GPR132: variants seen among roughly 807,000 people sequenced by gnomAD.
The protein encoded by GPR132 is probable G protein-coupled receptor 132.
A neutral mutation model predicts 1.9 loss-of-function variants in GPR132; 4 were observed. The observed-to-expected ratio is 2.13, with a 90% CI of 1.05 to 4.87. The LOEUF (loss-of-function observed/expected upper bound fraction) is 4.87, where lower values mean the gene tolerates loss of function less well. Among genes scored for constraint, GPR132 ranks in the 30% most tolerant of loss-of-function variants. The pLI is 0.01. For missense variants in GPR132, 404 were observed against 512.5 expected (o/e 0.79, Z 2.04); for synonymous variants, 233 against 234.2 (o/e 0.99, Z 0.05).
At chr14:105,063,377 CTTT>C (rs758639569) in intron 1 of GPR132, among the ~76,000 whole-genome samples, 1 of 143,950 alleles carries the variant, frequency 6.9e-6, no homozygotes. Context: ...TATTTTGTAA[CTTT>C]TTTTTTTTTT....
At chr14:105,061,239 G>A (rs1595141236) in intron 1 of GPR132, among the ~76,000 whole-genome samples, 1 of 152,252 alleles carries the variant, frequency 6.6e-6, no homozygotes, top group Non-Finnish European at 1.5e-5. Context: ...CGCCGGGGGA[G>A]CCCTGCACCA....
At position 105,056,564 on chromosome 14, in the gene GPR132, A is replaced by G. The variant is rs992942910; in HGVS notation, c.-746-398T>C. Among the ~76,000 whole-genome samples, 3 of 151,788 alleles carry G rather than the reference A, an allele frequency of 2.0e-5. No homozygotes were observed. The highest frequency in any genetic ancestry group is 1.3e-4 in the Admixed American group (2 of 15,254). On this transcript the variant is annotated intron_variant, in intron 2 of 3. Coordinates refer to ENST00000329797, the MANE Select transcript of GPR132 (RefSeq NM_013345.4). The surrounding 1 kb of genome is among the most constrained non-coding windows in gnomAD (Gnocchi z 6.0). The stretch of plus-strand genomic sequence containing the variant: ...TGGTCTGTTCCCTCCCCGACTTCCT[A>G]CGGCTCCCCCACCCCACACATCGTC...
chr14:105,053,007 T>C (rs1346476562), intron 3 of GPR132, among the ~76,000 whole-genome samples: 1 of 151,868 alleles, frequency 6.6e-6, no homozygotes, highest in Non-Finnish European at 1.5e-5. Context: ...ATGTTGATCC[T>C]GTAATTGCTG....
At position 105,051,182 on chromosome 14, in the gene GPR132, C is replaced by G; in HGVS notation, c.955G>C (p.Val319Leu). 6.2e-7 allele frequency: 1 copy of G among 1,614,180 alleles called. No individual in the cohort carries two copies. The highest frequency in any genetic ancestry group is 1.1e-5 in the South Asian group (1 of 91,082). ...TTCCACCCCTTATGGATTCTGGACA[C>G]TTCTTGGCGGGAATGGTCCGTGGCC... is the stretch of plus-strand genomic sequence containing the variant. ...VLATDHSRQE[V>L]SRIHKGWKEW... Residue 319 changes from valine to leucine, a missense_variant, in exon 4 of 4, where the codon GTG becomes CTG. Transcript: ENST00000329797. This position sits in a 1 kb window ranked among gnomAD's most constrained non-coding sequence, Gnocchi z 8.0.
chr14:105,050,919 G>A lies in GPR132; in HGVS notation c.*75C>T, dbSNP rs1886616183. 3 of 1,355,852 alleles carry A rather than the reference G, an allele frequency of 2.2e-6. No homozygotes were observed. The highest frequency in any genetic ancestry group is 3.1e-6 in the Non-Finnish European group (3 of 971,008). The allele number at this position is 1,355,852 out of a possible 1,614,324, so 84.0% of individuals were successfully genotyped here. ...AGAGGGGACATGGGCACTGTGGCTG[G>A]TGGGCTCAGTGCACAGGAACCACAT... On this transcript the variant is annotated 3_prime_UTR_variant, in exon 4 of 4. Transcript: ENST00000329797. This position sits in a 1 kb window ranked among gnomAD's most constrained non-coding sequence, Gnocchi z 4.0.
At position 105,051,125 on chromosome 14, in the gene GPR132, G is replaced by T; in HGVS notation, c.1012C>A (p.Leu338Ile). 6.2e-7 allele frequency: 1 copy of T among 1,614,176 alleles called. No individual in the cohort carries two copies. The highest frequency in any genetic ancestry group is 8.5e-7 in the Non-Finnish European group (1 of 1,180,036). Reference protein sequence around the residue: ...EWSMKTDVTRLTHSRDTEELQ... With the variant: ...EWSMKTDVTRITHSRDTEELQ... ...TCCTCGGTGTCCCTGCTGTGGGTGA[G>T]CCTGGTGACGTCTGTCTTCATGGAC... The change falls in exon 4 of 4, where the codon CTC becomes ATC. Residue 338 changes from leucine (L) to isoleucine (I), a missense_variant. By Grantham distance (5) the Leu-to-Ile change is conservative. Coordinates refer to ENST00000329797, the MANE Select transcript of GPR132 (RefSeq NM_013345.4). This position sits in a 1 kb window ranked among gnomAD's most constrained non-coding sequence, Gnocchi z 8.0.
At chr14:105,053,147 C>T (rs182368534) in intron 3 of GPR132, among the ~76,000 whole-genome samples, 68 of 99,002 alleles carry the variant, frequency 6.9e-4, no homozygotes, top group African/African-American at 1.0e-3. Flanking sequence ...AACCTGTAGT[C>T]TTTTTTTTTT....
At chr14:105,057,445 C>A in intron 1 of GPR132, 165 bp from the exon 2 acceptor site, 2 of 418,132 alleles carry the variant, frequency 4.8e-6, no homozygotes, top group East Asian at 4.2e-5. Context: ...ACATGAGAAA[C>A]ACAAGCAAGG....
chr14:105,056,955 C>T lies in GPR132; in HGVS notation c.-747+212G>A, dbSNP rs751786779. On this transcript the variant is annotated intron_variant, in intron 2 of 3. Transcript: ENST00000329797. The surrounding 1 kb of genome is among the most constrained non-coding windows in gnomAD (Gnocchi z 6.0). ...GAGCCACCAACTATGCCCTCATTCC[C>T]GTTCCTGGCTTCCCAGAACTTCACG... Among the ~76,000 whole-genome samples the T allele has an allele frequency of 2.6e-5, 4 of 152,254 alleles. No individual in the cohort carries two copies. The highest frequency in any genetic ancestry group is 7.2e-5 in the African/African-American group (3 of 41,464).
chr14:105,053,143 T>C (rs1357651859), intron 3 of GPR132, among the ~76,000 whole-genome samples: 2 of 148,004 alleles, frequency 1.4e-5, no homozygotes, highest in East Asian at 4.0e-4. Context: ...TCCTAACCTG[T>C]AGTCTTTTTT....
intron 3 of GPR132, among the ~76,000 whole-genome samples, chr14:105,053,456 G>A (rs1270896426): frequency 6.6e-6 from 1 of 152,102 alleles, no homozygotes; most frequent in Non-Finnish European, 1.5e-5. Context: ...CACTGCGCCC[G>A]GCTAATCTGT....
chr14:105,056,149 C>T lies in GPR132; in HGVS notation c.-729G>A, dbSNP rs377515903. ...GGTTTCTCCGGGTGAGTGTCGTGTC[C>T]CTTGCTCACCTTCCTCCCTGGGCAG... On this transcript the variant is annotated 5_prime_UTR_variant, in exon 3 of 4. Transcript: ENST00000329797. The surrounding 1 kb of genome is among the most constrained non-coding windows in gnomAD (Gnocchi z 6.0). 7.1e-6 allele frequency: 7 copies of T among 986,088 alleles called. No individual in the cohort carries two copies. In the East Asian group the frequency reaches 3.4e-4, roughly 48 times the overall value. The allele number at this position is 986,088 out of a possible 1,614,324, so 61.1% of individuals were successfully genotyped here.
chr14:105,059,192 G>GC lies in GPR132; in HGVS notation c.-860-1913dup, dbSNP rs955283908. On this transcript the variant is annotated intron_variant, in intron 1 of 3. Transcript: ENST00000329797. This position sits in a 1 kb window ranked among gnomAD's most constrained non-coding sequence, Gnocchi z 4.2. ...CCCCTACACAGCAAGGCCCCTTTGG[G>GC]CCCGAGGCCTGTATGTTGAGAGGCT... Among the ~76,000 whole-genome samples, 3 of 152,208 alleles carry GC rather than the reference G, an allele frequency of 2.0e-5. No homozygotes were observed. The highest frequency in any genetic ancestry group is 2.9e-5 in the Non-Finnish European group (2 of 68,018).
chr14:105,054,498 C>T (rs1461888930), intron 3 of GPR132: 2 of 716,268 alleles, frequency 2.8e-6, no homozygotes, highest in Non-Finnish European at 3.4e-6. Context: ...GTGGCGTGAT[C>T]TCTGCTACTG....
At chr14:105,054,588 G>A (rs1012094344) in intron 3 of GPR132, among the ~76,000 whole-genome samples, 3 of 150,840 alleles carry the variant, frequency 2.0e-5, no homozygotes, top group South Asian at 2.1e-4. Context: ...TCGCCACCAC[G>A]CCCATCTAAT....
rs1037576800 is a variant in GPR132 at position 105,056,579 on chromosome 14, C to G, written c.-746-413G>C. On this transcript the variant is annotated intron_variant, in intron 2 of 3. Transcript: ENST00000329797. The surrounding 1 kb of genome is among the most constrained non-coding windows in gnomAD (Gnocchi z 6.0). Reference sequence around the variant, plus strand: ...CCGACTTCCTACGGCTCCCCCACCCCACACATCGTCGCCCGTGCGGTCTCA... The same window carrying G: ...CCGACTTCCTACGGCTCCCCCACCCGACACATCGTCGCCCGTGCGGTCTCA... Among the ~76,000 whole-genome samples, 1 of 152,234 alleles carries G rather than the reference C, an allele frequency of 6.6e-6. No homozygotes were observed. The highest frequency in any genetic ancestry group is 1.5e-5 in the Non-Finnish European group (1 of 68,034).
In GPR132 at chr14:105,051,409, G is replaced by T. The variant is rs751669354; in HGVS notation, c.728C>A (p.Ser243Ter). 43 of 1,614,000 alleles carry T rather than the reference G, an allele frequency of 2.7e-5. No homozygotes were observed. The highest frequency in any genetic ancestry group is 3.6e-5 in the Non-Finnish European group (43 of 1,180,006). Residue 243 changes from serine (S) to a stop codon, truncating the protein, a stop_gained, in exon 4 of 4, where the codon TCG (serine) becomes TAG (stop). Transcript: ENST00000329797. LOFTEE classifies it low-confidence loss of function (END_TRUNC). This position sits in a 1 kb window ranked among gnomAD's most constrained non-coding sequence, Gnocchi z 8.0. The part of the protein sequence containing the change: ...SAAQKAKVKH[S>*]AIAVVVIFLV... ...GAAGATGACAACCACCGCGATGGCC[G>T]AGTGCTTCACCTTGGCCTTCTGGGC...
At chr14:105,064,285 T>C (rs1887026118) in intron 1 of GPR132, among the ~76,000 whole-genome samples, 2 of 152,210 alleles carry the variant, frequency 1.3e-5, no homozygotes, top group Admixed American at 1.3e-4. Context: ...GAGGGAAATG[T>C]GGAGTCACCA....
intron 1 of GPR132, among the ~76,000 whole-genome samples, chr14:105,062,541 T>TTTTC (rs1491388517): frequency 8.6e-6 from 1 of 116,268 alleles, no homozygotes. Context: ...TTTTCTTTTC[T>TTTTC]TTTTTTTTTT....
Sources: allele counts gnomAD v4.1 joint callset (sites outside exome capture counted in the v4.1 genomes callset), GRCh38; gene constraint gnomAD v4.1.1; non-coding constraint Gnocchi (gnomAD v3.1); transcripts MANE v1.5; gene names NCBI Gene and HGNC (gene_info 2026-07-23, HGNC 2026-07-21).